The following TBL1X variants were observed in gnomAD, a reference collection of about 807,000 sequenced individuals.
TBL1X encodes the protein transducin beta like 1 X-linked.
In TBL1X, 10 loss-of-function variants were observed where a neutral mutation model predicts 50.7. That is an observed-to-expected ratio of 0.20 (90% CI 0.12 to 0.33). TBL1X has a LOEUF of 0.33. Among genes scored for constraint, TBL1X ranks in the 10% least tolerant of loss-of-function variants. TBL1X has a pLI of 1.00. For synonymous variants in TBL1X, 190 were observed against 214.7 expected (o/e 0.88, Z 1.01); for missense variants, 340 against 504.4 (o/e 0.67, Z 3.12).
At chrX:9,617,222 T>C (rs2082643813) in intron 2 of TBL1X, among the ~76,000 whole-genome samples, 1 of 111,832 alleles carries the variant, frequency 8.9e-6, no homozygotes, top group South Asian at 3.7e-4. Flanking sequence ...AGATGCCTTA[T>C]AAGTCCTGAG....
intron 16 of TBL1X, among the ~76,000 whole-genome samples, chrX:9,712,635 C>T (rs1397388582): frequency 8.9e-6 from 1 of 112,336 alleles, no homozygotes; most frequent in East Asian, 2.8e-4. Context: ...CCGTGCCTAG[C>T]CTCAATTTTT....
Position 9,704,988 on chromosome X carries a change from T to C in TBL1X, c.1115-5T>C. On this transcript the variant is annotated splice_region_variant and splice_polypyrimidine_tract_variant and intron_variant, in intron 12 of 17. Coordinates refer to ENST00000645353, the MANE Select transcript of TBL1X (RefSeq NM_005647.4). ...AACTCCAGATGTCCTCCCTCCCTAC[T>C]GCAGCCCCTGCCCTTGATGTGGACT... 1.7e-6 allele frequency: 2 copies of C among 1,211,603 alleles called. No individual in the cohort carries two copies. Among genetic ancestry groups the C allele is most frequent in the Non-Finnish European group, 2.2e-6 (2 of 895,576 alleles).
At chrX:9,494,277 C>T (rs770088000) in intron 1 of TBL1X, among the ~76,000 whole-genome samples, 1 of 111,628 alleles carries the variant, frequency 9.0e-6, no homozygotes, top group East Asian at 2.8e-4. Context: ...CCAGAACATT[C>T]CAGCATATTC....
chrX:9,656,368 G>C (rs181913293), intron 5 of TBL1X, among the ~76,000 whole-genome samples: 94 of 113,026 alleles, frequency 8.3e-4, no homozygotes, highest in South Asian at 6.2e-3. Flanking sequence ...GGCTGGAACT[G>C]TCCGGTGTGA....
At chrX:9,559,629 A>C (rs2082315778) in intron 2 of TBL1X, among the ~76,000 whole-genome samples, 1 of 111,998 alleles carries the variant, frequency 8.9e-6, no homozygotes, top group African/African-American at 3.2e-5. Context: ...ACTGAATTTT[A>C]CTGGAATAAA....
chrX:9,556,496 TA>T (rs748643059), intron 2 of TBL1X, among the ~76,000 whole-genome samples: 100 of 91,731 alleles, frequency 1.1e-3, no homozygotes, highest in Non-Finnish European at 8.4e-4. Context: ...TGTCTCTCTC[TA>T]AAAAAAAAAA....
At chrX:9,543,998 TC>T (rs2082228691) in intron 2 of TBL1X, among the ~76,000 whole-genome samples, 3 of 110,787 alleles carry the variant, frequency 2.7e-5, no homozygotes, top group Admixed American at 9.6e-5. Context: ...ATCACAAATC[TC>T]CCTGCCCTCC....
intron 5 of TBL1X, among the ~76,000 whole-genome samples, chrX:9,658,143 T>G (rs761810961): frequency 4.7e-4 from 53 of 111,758 alleles, no homozygotes; most frequent in East Asian, 2.8e-3. Context: ...CTGCCATGAT[T>G]GTGAGGCCTC....
At chrX:9,503,791 C>T (rs1185741327) in intron 2 of TBL1X, among the ~76,000 whole-genome samples, 2 of 112,738 alleles carry the variant, frequency 1.8e-5, no homozygotes, top group East Asian at 5.6e-4. Context: ...ATTTGGATCT[C>T]CTGGGCCTCA....
chrX:9,711,677 G>A lies in TBL1X; in HGVS notation c.1506G>A (p.Thr502=), dbSNP rs767086199. 9 of 1,209,144 alleles carry A rather than the reference G, an allele frequency of 7.4e-6. No individual in the cohort carries two copies. The highest frequency in any genetic ancestry group is 7.0e-5 in the South Asian group (4 of 56,754). ...GAGGCGTCTGCACCCACACGCTCAC[G>A]AAGCATCAGGAGCCTGTCTATAGCG... ...IERGVCTHTL[T]KHQEPVYSVA... The change falls in exon 16 of 18, where the codon ACG becomes ACA. Residue 502 remains threonine (T), a synonymous_variant. Transcript: ENST00000645353.
At chrX:9,509,656 T>G (rs892834712) in intron 2 of TBL1X, among the ~76,000 whole-genome samples, 1 of 108,145 alleles carries the variant, frequency 9.2e-6, no homozygotes, top group Non-Finnish European at 1.9e-5. Flanking sequence ...TGGCTAATTT[T>G]TGTATTTTTT....
In TBL1X at chrX:9,693,057, G is replaced by T. The variant is rs2083108717; in HGVS notation, c.892-92G>T. The T allele has an allele frequency of 3.2e-6, 3 of 924,487 alleles. No homozygotes were observed. The Admixed American group carries it at 6.9e-5, about 21-fold the overall frequency. 76.2% of individuals were successfully genotyped at this position (924,487 alleles called of 1,213,427 possible). ...ACACGCAGTGGCAAATGGTTCCAGT[G>T]TACCTGGATCCTCGGAGAGGCTCTC... On this transcript the variant is annotated intron_variant, in intron 9 of 17. Coordinates refer to ENST00000645353, the MANE Select transcript of TBL1X (RefSeq NM_005647.4).
chrX:9,681,261 G>C (rs1210400760), intron 5 of TBL1X, among the ~76,000 whole-genome samples: 1 of 111,985 alleles, frequency 8.9e-6, no homozygotes, highest in African/African-American at 3.2e-5. Context: ...AATGGAGTCT[G>C]TGTCCATGCA....
intron 2 of TBL1X, among the ~76,000 whole-genome samples, chrX:9,518,332 A>G (rs1273380189): frequency 9.0e-6 from 1 of 111,030 alleles, no homozygotes; most frequent in East Asian, 2.8e-4. Flanking sequence ...TGTAGTTCTG[A>G]GTGCTTGAAG....
chrX:9,528,659 G>C (rs958416282), intron 2 of TBL1X, among the ~76,000 whole-genome samples: 12 of 96,614 alleles, frequency 1.2e-4, no homozygotes, highest in Non-Finnish European at 2.5e-4. Flanking sequence ...GAGAGGCTCA[G>C]GATCAGAGTC....
intron 3 of TBL1X, among the ~76,000 whole-genome samples, chrX:9,651,011 C>CTTTTTT (rs572743375): frequency 3.2e-5 from 1 of 30,932 alleles, no homozygotes; most frequent in Non-Finnish European, 5.3e-5. Flanking sequence ...AGCTGCCAGC[C>CTTTTTT]TTTTTTTTTT....
intron 2 of TBL1X, among the ~76,000 whole-genome samples, chrX:9,593,259 A>T (rs1048254909): frequency 2.8e-5 from 3 of 107,982 alleles, no homozygotes; most frequent in Non-Finnish European, 5.8e-5. Context: ...AAAATTAGCC[A>T]GGTGTGACGG....
At chrX:9,561,919 G>A (rs2082326823) in intron 2 of TBL1X, among the ~76,000 whole-genome samples, 1 of 112,047 alleles carries the variant, frequency 8.9e-6, no homozygotes, top group Non-Finnish European at 1.9e-5. Flanking sequence ...GAAGTGTTTT[G>A]CAAATGATGG....
intron 3 of TBL1X, among the ~76,000 whole-genome samples, chrX:9,641,359 G>A (rs1234660490): frequency 9.0e-6 from 1 of 111,227 alleles, no homozygotes; most frequent in Non-Finnish European, 1.9e-5. Flanking sequence ...ACTACCTTTC[G>A]GTACGTGTGA....
Sources: allele counts gnomAD v4.1 joint callset (sites outside exome capture counted in the v4.1 genomes callset), GRCh38; gene constraint gnomAD v4.1.1; transcripts MANE v1.5; gene names NCBI Gene and HGNC (gene_info 2026-07-23, HGNC 2026-07-21).